RAD51B: variants seen among roughly 807,000 people sequenced by gnomAD.
RAD51B encodes the protein RAD51 paralog B, also known as DNA repair protein RAD51 homolog 2.
Under a neutral mutation model 42.2 loss-of-function variants are expected in RAD51B, and 38 were observed. The observed-to-expected ratio is 0.90, with a 90% CI of 0.70 to 1.18. RAD51B has a LOEUF of 1.18. Ranked by LOEUF, RAD51B falls within the 50% of genes most tolerant of loss-of-function variation. The probability of loss-of-function intolerance (pLI) is 0.00; values close to 1 mark genes in which losing one functional copy is unlikely to be tolerated. For missense variants in RAD51B, 373 were observed against 400.7 expected, an observed-to-expected ratio of 0.93 and a Z score of 0.59; for synonymous variants, 154 against 145.2, an observed-to-expected ratio of 1.06 and a Z score of -0.43.
intron 7 of RAD51B, among the ~76,000 whole-genome samples, chr14:67,968,782 A>T (rs999474462): frequency 6.6e-6 from 1 of 151,870 alleles, no homozygotes; most frequent in Non-Finnish European, 1.5e-5. Flanking sequence ...AACTGTTCCA[A>T]CCTCTGCCTG....
chr14:68,181,380 A>C (rs927870111), intron 7 of RAD51B, among the ~76,000 whole-genome samples: 2 of 152,202 alleles, frequency 1.3e-5, no homozygotes, highest in Admixed American at 6.5e-5. Context: ...TCACTAATGC[A>C]CCCCAGGTGT....
chr14:68,659,479 G>A (rs1015433452), intron 11 of RAD51B, among the ~76,000 whole-genome samples: 4 of 152,228 alleles, frequency 2.6e-5, no homozygotes, highest in African/African-American at 4.8e-5. Flanking sequence ...AGAAGAGGGC[G>A]GGAGGCGGGT....
intron 10 of RAD51B, among the ~76,000 whole-genome samples, chr14:68,550,128 T>G (rs1294162479): frequency 6.6e-6 from 1 of 152,246 alleles, no homozygotes; most frequent in Non-Finnish European, 1.5e-5. Flanking sequence ...TCACTTCCTG[T>G]GCACACGCTG....
At chr14:68,130,781 G>T (rs942246393) in intron 7 of RAD51B, among the ~76,000 whole-genome samples, 2 of 152,162 alleles carry the variant, frequency 1.3e-5, no homozygotes, top group Non-Finnish European at 2.9e-5. Flanking sequence ...AAATATCAGA[G>T]AAAAGTGCTT....
downstream of RAD51B, among the ~76,000 whole-genome samples, chr14:68,479,877 C>T (rs1217297612): frequency 2.0e-5 from 3 of 151,814 alleles, no homozygotes; most frequent in East Asian, 5.8e-4. Context: ...CTGTGTTGCC[C>T]AGGCTGGTCT....
At chr14:68,549,409 ATTTTTTTTTTT>A (rs71129897) in intron 10 of RAD51B, among the ~76,000 whole-genome samples, 1 of 63,576 alleles carries the variant, frequency 1.6e-5, no homozygotes, top group African/African-American at 4.8e-5. Flanking sequence ...CCCTGGACAC[ATTTTTTTTTTT>A]TTTTTTTTTT....
At chr14:68,040,982 C>T (rs1408081836) in intron 7 of RAD51B, among the ~76,000 whole-genome samples, 1 of 152,152 alleles carries the variant, frequency 6.6e-6, no homozygotes, top group Non-Finnish European at 1.5e-5. Context: ...TCTGGTTTGG[C>T]TCTGTGTGCC....
intron 7 of RAD51B, among the ~76,000 whole-genome samples, chr14:68,041,440 G>A (rs753601948): frequency 6.6e-6 from 1 of 152,090 alleles, no homozygotes; most frequent in Non-Finnish European, 1.5e-5. Context: ...TGATGCTAAG[G>A]TAGAAGATAA....
At chr14:68,176,812 T>C (rs979753475) in intron 7 of RAD51B, among the ~76,000 whole-genome samples, 3 of 152,176 alleles carry the variant, frequency 2.0e-5, no homozygotes, top group African/African-American at 7.2e-5. Context: ...GATACGATTA[T>C]GGAACAATAT....
intron 7 of RAD51B, among the ~76,000 whole-genome samples, chr14:68,005,045 GTTTTTTTTTTT>G (rs753867497): frequency 7.5e-5 from 6 of 79,504 alleles, no homozygotes; most frequent in African/African-American, 2.7e-4. Context: ...GTGTGTGTGT[GTTTTTTTTTTT>G]TTTTTTTTTT....
At chr14:68,273,807 A>T (rs1484010856) in intron 7 of RAD51B, among the ~76,000 whole-genome samples, 1 of 152,060 alleles carries the variant, frequency 6.6e-6, no homozygotes, top group Non-Finnish European at 1.5e-5. Flanking sequence ...TCCCATCAGC[A>T]TCCTGAGTAG....
intron 8 of RAD51B, among the ~76,000 whole-genome samples, chr14:68,320,641 T>C (rs893022935): frequency 6.6e-6 from 1 of 152,222 alleles, no homozygotes; most frequent in African/African-American, 2.4e-5. Flanking sequence ...AACACCCACT[T>C]TCTTTTAGAA....
intron 7 of RAD51B, among the ~76,000 whole-genome samples, chr14:67,976,479 A>T (rs1343483700): frequency 6.6e-6 from 1 of 151,468 alleles, no homozygotes; most frequent in Non-Finnish European, 1.5e-5. Context: ...TTATTATTAT[A>T]CTTTAAGTTT....
At chr14:68,290,277 A>G (rs1247986803) in intron 7 of RAD51B, among the ~76,000 whole-genome samples, 1 of 152,242 alleles carries the variant, frequency 6.6e-6, no homozygotes, top group African/African-American at 2.4e-5. Context: ...TGCCCCTTTC[A>G]GAAGGGACAT....
At chr14:67,855,943 C>T (rs1371805031) in intron 4 of RAD51B, among the ~76,000 whole-genome samples, 1 of 152,208 alleles carries the variant, frequency 6.6e-6, no homozygotes, top group African/African-American at 2.4e-5. Context: ...CTAATACAGA[C>T]ATTTAGCATA....
chr14:68,494,337 T>C (rs942176163), intron 10 of RAD51B, among the ~76,000 whole-genome samples: 1 of 149,580 alleles, frequency 6.7e-6, no homozygotes, highest in African/African-American at 2.5e-5. Context: ...AGAAAAAGGG[T>C]GGGGGTAGTT....
intron 7 of RAD51B, among the ~76,000 whole-genome samples, chr14:68,101,199 C>G (rs903230310): frequency 3.9e-5 from 6 of 152,152 alleles, no homozygotes; most frequent in African/African-American, 1.4e-4. Context: ...ATAAGGGGAA[C>G]TGTAATTCAA....
intron 10 of RAD51B, among the ~76,000 whole-genome samples, chr14:68,511,048 T>C (rs1055134288): frequency 2.6e-5 from 4 of 152,176 alleles, no homozygotes; most frequent in African/African-American, 4.8e-5. Flanking sequence ...TCTGGAATCC[T>C]GGTCCCACTC....
chr14:68,482,736 T>G (rs1883301352), downstream of RAD51B, among the ~76,000 whole-genome samples: 1 of 152,170 alleles, frequency 6.6e-6, no homozygotes, highest in African/African-American at 2.4e-5. Flanking sequence ...ATCCTAAGTG[T>G]GAGAGAAAAC....
Sources: allele counts gnomAD v4.1 joint callset (sites outside exome capture counted in the v4.1 genomes callset), GRCh38; gene constraint gnomAD v4.1.1; transcripts MANE v1.5; gene names NCBI Gene and HGNC (gene_info 2026-07-23, HGNC 2026-07-21).